The following NRXN1 variants were observed in gnomAD, a reference collection of about 807,000 sequenced individuals.
NRXN1 encodes neurexin-1.
A neutral mutation model predicts 150.9 loss-of-function variants in NRXN1; 39 were observed. The ratio of observed to expected loss-of-function variants is 0.26; its 90% CI spans 0.20 to 0.34. The LOEUF (loss-of-function observed/expected upper bound fraction) is 0.34. Among genes scored for constraint, NRXN1 ranks in the 10% least tolerant of loss-of-function variants. The pLI, the probability that NRXN1 is intolerant of heterozygous loss-of-function variation, is 1.00. For synonymous variants in NRXN1, 924 were observed against 757.0 expected, an observed-to-expected ratio of 1.22 and a Z score of -3.62; for missense variants, 1,815 against 1,949.9, an observed-to-expected ratio of 0.93 and a Z score of 1.30.
intron 2 of NRXN1, among the ~76,000 whole-genome samples, chr2:50,983,822 C>T (rs1575125294): frequency 6.6e-6 from 1 of 152,018 alleles, no homozygotes; most frequent in Admixed American, 6.6e-5. Context: ...AAGATACTTA[C>T]TAGGAAGTAT....
chr2:50,492,224 C>A (rs2091293110), intron 15 of NRXN1, among the ~76,000 whole-genome samples: 1 of 152,122 alleles, frequency 6.6e-6, no homozygotes. Flanking sequence ...CATGTTGCTG[C>A]TTGTACATAA....
At chr2:50,354,119 T>C (rs2078617828) in intron 17 of NRXN1, among the ~76,000 whole-genome samples, 1 of 152,170 alleles carries the variant, frequency 6.6e-6, no homozygotes, top group Admixed American at 6.6e-5. Flanking sequence ...TCCCTAAGCA[T>C]AGATCATAGT....
At position 50,107,377 on chromosome 2, in the gene NRXN1, C is replaced by T. The variant is rs968883466; in HGVS notation, c.3547-15883G>A. 5.3e-5 allele frequency among the ~76,000 whole-genome samples: 8 copies of T among 151,406 alleles called. No individual in the cohort carries two copies. In the East Asian group the frequency reaches 1.5e-3, roughly 29 times the overall value. ...CTGGAAATTGTATCAGGTAAACTCT[C>T]ATTCATTATTGCACTACCCATCTTT... On this transcript the variant is annotated intron_variant, in intron 18 of 22. Transcript: ENST00000401669.
chr2:50,397,426 G>C (rs1396664848), intron 17 of NRXN1, among the ~76,000 whole-genome samples: 1 of 152,082 alleles, frequency 6.6e-6, no homozygotes, highest in East Asian at 1.9e-4. Flanking sequence ...CATTTGTTAA[G>C]TGATTGGCTT....
chr2:50,063,421 A>G (rs1441688788), intron 19 of NRXN1, among the ~76,000 whole-genome samples: 1 of 151,976 alleles, frequency 6.6e-6, no homozygotes, highest in East Asian at 1.9e-4. Flanking sequence ...CTGACTCTTT[A>G]AATTAGTCAC....
At chr2:50,232,960 T>C (rs1274483670) in intron 18 of NRXN1, among the ~76,000 whole-genome samples, 1 of 152,036 alleles carries the variant, frequency 6.6e-6, no homozygotes, top group African/African-American at 2.4e-5. Context: ...CTCAATAATA[T>C]GGCTGCTTAT....
intron 19 of NRXN1, among the ~76,000 whole-genome samples, chr2:50,061,646 T>C (rs1291410573): frequency 6.6e-6 from 1 of 152,228 alleles, no homozygotes; most frequent in African/African-American, 2.4e-5. Context: ...AACTCTACTA[T>C]AGCAACATGC....
intron 2 of NRXN1, chr2:51,026,258 A>C: frequency 1.4e-6 from 1 of 704,346 alleles, no homozygotes; most frequent in Non-Finnish European, 2.5e-6. Flanking sequence ...TTCAGCCACA[A>C]ATGCCATTTA....
intron 17 of NRXN1, among the ~76,000 whole-genome samples, chr2:50,330,518 A>G (rs1558539108): frequency 2.0e-5 from 3 of 152,080 alleles, no homozygotes. Flanking sequence ...CTTCCTCCCA[A>G]TACCTACTCC....
intron 5 of NRXN1, among the ~76,000 whole-genome samples, chr2:50,791,314 C>CAA (rs60728323): frequency 0.011 from 1,208 of 111,654 alleles, 25 homozygotes; most frequent in East Asian, 0.024. Flanking sequence ...CTGCTTGCTA[C>CAA]AAAAAAAAAA....
intron 5 of NRXN1, chr2:50,696,097 C>G (rs1021276496): frequency 2.0e-5 from 3 of 151,972 alleles, no homozygotes; most frequent in Non-Finnish European, 2.9e-5. Flanking sequence ...TCCGCCTCAG[C>G]CTCCGAAAGT....
At chr2:50,610,840 T>C (rs1677995797) in intron 8 of NRXN1, among the ~76,000 whole-genome samples, 1 of 148,824 alleles carries the variant, frequency 6.7e-6, no homozygotes, top group Non-Finnish European at 1.5e-5. Flanking sequence ...TCATCCACGC[T>C]GGAGTGTAAT....
At chr2:51,027,302 G>A (rs1473370941) in intron 2 of NRXN1, among the ~76,000 whole-genome samples, 200 bp downstream of exon 2, 1 of 152,180 alleles carries the variant, frequency 6.6e-6, no homozygotes, top group Non-Finnish European at 1.5e-5. Flanking sequence ...GGATATGGGG[G>A]CTGCCAATCC....
chr2:50,101,874 C>T (rs1258777433), intron 18 of NRXN1, among the ~76,000 whole-genome samples: 1 of 151,964 alleles, frequency 6.6e-6, no homozygotes, highest in Admixed American at 6.6e-5. Flanking sequence ...TGTTAGTTTT[C>T]ACAAGCCTCA....
intron 5 of NRXN1, among the ~76,000 whole-genome samples, chr2:50,693,345 T>G (rs1338789564): frequency 6.6e-6 from 1 of 152,256 alleles, no homozygotes; most frequent in African/African-American, 2.4e-5. Context: ...ACTGGTGTGG[T>G]AAAGGCCAGC....
chr2:50,332,962 T>A (rs1012339977), intron 17 of NRXN1, among the ~76,000 whole-genome samples: 2 of 152,186 alleles, frequency 1.3e-5, no homozygotes, highest in Admixed American at 6.5e-5. Flanking sequence ...GTATTAAAAG[T>A]CAATCGATAA....
chr2:50,945,125 A>G (rs968363735), intron 2 of NRXN1, among the ~76,000 whole-genome samples: 7 of 152,296 alleles, frequency 4.6e-5, no homozygotes, highest in African/African-American at 1.7e-4. Context: ...TAAAGCCTCT[A>G]TTGCAGCTAC....
chr2:50,845,870 C>A (rs1673573309), intron 5 of NRXN1, among the ~76,000 whole-genome samples: 1 of 152,012 alleles, frequency 6.6e-6, no homozygotes, highest in Non-Finnish European at 1.5e-5. Flanking sequence ...GAAAAAAAAC[C>A]AGAAAATTTA....
chr2:49,993,592 G>A (rs980420791), intron 21 of NRXN1, among the ~76,000 whole-genome samples: 3 of 152,124 alleles, frequency 2.0e-5, no homozygotes, highest in Admixed American at 6.5e-5. Context: ...TGTAACAAAT[G>A]CACTACTCTA....
Sources: gnomAD v4.1 joint callset for allele counts (sites outside exome capture counted in the v4.1 genomes callset) on GRCh38, gnomAD v4.1.1 for gene constraint, MANE v1.5 for transcripts, NCBI Gene and HGNC (gene_info 2026-07-23, HGNC 2026-07-21) for gene names.